Variants in PTPRC observed in about 807,000 individuals in gnomAD.
The protein encoded by PTPRC is protein tyrosine phosphatase receptor type C.
Under a neutral mutation model 155.9 loss-of-function variants are expected in PTPRC, and 44 were observed. The ratio of observed to expected loss-of-function variants is 0.28; its 90% CI spans 0.22 to 0.36. The LOEUF is 0.36. Ranked by LOEUF, PTPRC falls within the 10% of genes least tolerant of loss-of-function variation. The pLI is 1.00. For missense variants in PTPRC, 1,401 were observed against 1,564.6 expected (o/e 0.90, Z 1.76); for synonymous variants, 525 against 533.1 (o/e 0.98, Z 0.21).
intron 2 of PTPRC, among the ~76,000 whole-genome samples, chr1:198,671,605 T>A (rs1230009070): frequency 1.3e-5 from 2 of 152,198 alleles, no homozygotes; most frequent in Admixed American, 1.3e-4. Context: ...GCTGTCTTTT[T>A]TGTATTAAAG....
chr1:198,642,954 T>C (rs930304504), intron 2 of PTPRC, among the ~76,000 whole-genome samples: 3 of 150,688 alleles, frequency 2.0e-5, no homozygotes, highest in African/African-American at 7.3e-5. Flanking sequence ...CTTTCTTTCT[T>C]TCTTTCTTTC....
intron 21 of PTPRC, 27 bp downstream of exon 21, chr1:198,734,259 T>G (rs1420061229): frequency 6.2e-7 from 1 of 1,610,494 alleles, no homozygotes; most frequent in Non-Finnish European, 8.5e-7. Context: ...TCCAATATTC[T>G]TTTTGAAAAA....
At position 198,666,742 on chromosome 1, in the gene PTPRC, T is replaced by A. The variant is rs75157164; in HGVS notation, c.74-25605T>A. 8.9e-3 allele frequency among the ~76,000 whole-genome samples: 1,354 copies of A among 152,298 alleles called. 17 individuals carry two copies. The highest frequency in any genetic ancestry group is 0.031 in the African/African-American group (1,271 of 41,558). On this transcript the variant is annotated intron_variant, in intron 2 of 32. Coordinates refer to ENST00000442510, the MANE Select transcript of PTPRC (RefSeq NM_002838.5). Reference sequence around the variant, plus strand: ...GGTAGACTATGAATATTTCCACCAATAATATATTTATTAAAATAGATTCCT... The same window carrying A: ...GGTAGACTATGAATATTTCCACCAAAAATATATTTATTAAAATAGATTCCT...
At chr1:198,738,944 G>T (rs1304394337) in intron 23 of PTPRC, among the ~76,000 whole-genome samples, 2 of 151,702 alleles carry the variant, frequency 1.3e-5, no homozygotes, top group African/African-American at 2.4e-5. Flanking sequence ...GTGGAGGAAT[G>T]AAGTTAAAAT....
At chr1:198,648,718 C>T (rs1484200719) in intron 2 of PTPRC, among the ~76,000 whole-genome samples, 4 of 151,782 alleles carry the variant, frequency 2.6e-5, no homozygotes. Flanking sequence ...AACAAAAAGA[C>T]ATCTTTGATT....
chr1:198,724,389 T>C (rs1654032256), intron 15 of PTPRC, among the ~76,000 whole-genome samples: 1 of 152,166 alleles, frequency 6.6e-6, no homozygotes, highest in African/African-American at 2.4e-5. Context: ...CTTGCTCTGA[T>C]CTGGACTCTC....
chr1:198,704,937 A>G (rs1008116570), intron 8 of PTPRC, among the ~76,000 whole-genome samples: 6 of 152,142 alleles, frequency 3.9e-5, no homozygotes, highest in African/African-American at 9.7e-5. Context: ...TGAAAAAAAA[A>G]TGGAATAACA....
intron 2 of PTPRC, among the ~76,000 whole-genome samples, chr1:198,683,956 T>TTC (rs60861138): frequency 0.42 from 63,664 of 151,562 alleles, 14,965 homozygotes; most frequent in African/African-American, 0.63. Flanking sequence ...TGACATAAGT[T>TTC]TCTATGCTTT....
At chr1:198,683,265 G>T (rs1009357840) in intron 2 of PTPRC, among the ~76,000 whole-genome samples, 12 of 152,238 alleles carry the variant, frequency 7.9e-5, no homozygotes, top group African/African-American at 2.6e-4. Context: ...AAACACTGTT[G>T]ATAGCACCAA....
At chr1:198,693,757 A>C (rs1666054795) in intron 3 of PTPRC, among the ~76,000 whole-genome samples, 2 of 152,208 alleles carry the variant, frequency 1.3e-5, no homozygotes, top group Admixed American at 1.3e-4. Flanking sequence ...TTAAATTCTT[A>C]TTTGTGAAAG....
rs987313869 is a variant in PTPRC, at chr1:198,699,560, T to A, written c.299-4T>A. 1 of 1,614,190 alleles carries A rather than the reference T, an allele frequency of 6.2e-7. No individual in the cohort carries two copies. Among genetic ancestry groups the A allele is most frequent in the Non-Finnish European group, 8.5e-7 (1 of 1,180,018 alleles). On this transcript the variant is annotated splice_region_variant and splice_polypyrimidine_tract_variant and intron_variant, in intron 4 of 32. Transcript: ENST00000442510. Reference sequence around the variant, plus strand: ...GATGTAATGATCTCACTTTCCTACCTTAGGTGTTTCATCAGTACAGACGCC... The same window carrying A: ...GATGTAATGATCTCACTTTCCTACCATAGGTGTTTCATCAGTACAGACGCC...
intron 25 of PTPRC, among the ~76,000 whole-genome samples, chr1:198,743,121 C>G (rs2102519117): frequency 7.8e-6 from 1 of 128,814 alleles, no homozygotes; most frequent in South Asian, 2.4e-4. Flanking sequence ...AATGGAAACA[C>G]CGTAAATATG....
At chr1:198,669,337 T>C (rs1332390812) in intron 2 of PTPRC, among the ~76,000 whole-genome samples, 1 of 152,170 alleles carries the variant, frequency 6.6e-6, no homozygotes, top group African/African-American at 2.4e-5. Context: ...TGCCAGCCTT[T>C]TCTGGTGCCC....
chr1:198,740,927 T>A (rs1182510400), intron 23 of PTPRC, among the ~76,000 whole-genome samples: 2 of 151,882 alleles, frequency 1.3e-5, no homozygotes, highest in African/African-American at 4.8e-5. Flanking sequence ...AGTCTAGCTA[T>A]ATTTTCTACA....
Position 198,706,870 on chromosome 1 carries a change from AGAATGT to A in PTPRC, c.823_828del (p.Glu275_Cys276del). On this transcript the variant is annotated inframe_deletion, in exon 9 of 33. Transcript: ENST00000442510. The stretch of plus-strand genomic sequence containing the variant: ...CAAACAATGAGGTGCATAACCTTAC[AGAATGT>A]AAAAATGCGTCTGTTTCCATATCTC... 1 of 1,613,762 alleles carries A rather than the reference AGAATGT, an allele frequency of 6.2e-7. No individual in the cohort carries two copies. Among genetic ancestry groups the A allele is most frequent in the Non-Finnish European group, 8.5e-7 (1 of 1,179,670 alleles).
chr1:198,750,643 A>T lies in PTPRC; in HGVS notation c.3207+17A>T, dbSNP rs751113577. On this transcript the variant is annotated intron_variant, in intron 29 of 32. Coordinates refer to ENST00000442510, the MANE Select transcript of PTPRC (RefSeq NM_002838.5). ...GGAGACCAGGTTTGTACTTTTGAGG[A>T]TTTTCTTTTAAGCCTTTCTGTCATA... The T allele has an allele frequency of 1.2e-6, 2 of 1,611,354 alleles. No individual in the cohort carries two copies.
chr1:198,652,354 C>A (rs929374267), intron 2 of PTPRC, among the ~76,000 whole-genome samples: 1 of 151,760 alleles, frequency 6.6e-6, no homozygotes, highest in Non-Finnish European at 1.5e-5. Context: ...AACACAAACA[C>A]TGTATTAGTG....
At chr1:198,709,471 G>A (rs1653171502) in intron 10 of PTPRC, among the ~76,000 whole-genome samples, 2 of 151,536 alleles carry the variant, frequency 1.3e-5, no homozygotes, top group African/African-American at 4.9e-5. Flanking sequence ...AAACACTTCT[G>A]GTGCCAGGAA....
chr1:198,756,081 C>T lies in PTPRC; in HGVS notation c.3821C>T (p.Ala1274Val). The change falls in exon 33 of 33, where the codon GCA becomes GTA. Residue 1274 changes from alanine to valine, a missense_variant. By Grantham distance (64) the Ala-to-Val change is moderately conservative. Coordinates refer to ENST00000442510, the MANE Select transcript of PTPRC (RefSeq NM_002838.5). ...GGTGCCCCAGAAAAGCTCCCTGAAG[C>T]AAAGGAACAGGCTGAAGGTTCTGAA... is the stretch of plus-strand genomic sequence containing the variant. ...PLGAPEKLPE[A>V]KEQAEGSEPT... 1 of 1,613,450 alleles carries T rather than the reference C, an allele frequency of 6.2e-7. No individual in the cohort carries two copies. The highest frequency in any genetic ancestry group is 8.5e-7 in the Non-Finnish European group (1 of 1,179,668).
Sources: gnomAD v4.1 joint callset for allele counts (sites outside exome capture counted in the v4.1 genomes callset) on GRCh38, gnomAD v4.1.1 for gene constraint, MANE v1.5 for transcripts, NCBI Gene and HGNC (gene_info 2026-07-23, HGNC 2026-07-21) for gene names.